RSPH10B: variants seen among roughly 807,000 people sequenced by gnomAD.
The protein encoded by RSPH10B is radial spoke head 10 homolog B.
In RSPH10B, 7 loss-of-function variants were observed where a neutral mutation model predicts 52.5. The ratio of observed to expected loss-of-function variants is 0.13; its 90% CI spans 0.08 to 0.25. RSPH10B has a LOEUF of 0.25. Among genes scored for constraint, RSPH10B ranks in the 10% least tolerant of loss-of-function variants. The pLI, the probability that RSPH10B is intolerant of heterozygous loss-of-function variation, is 1.00. For synonymous variants in RSPH10B, 28 were observed against 193.2 expected (o/e 0.14, Z 7.09); for missense variants, 89 against 542.5 (o/e 0.16, Z 8.30).
chr7:5,944,334 G>C (rs1192126291), intron 11 of RSPH10B, among the ~76,000 whole-genome samples: 1 of 150,786 alleles, frequency 6.6e-6, no homozygotes, highest in Non-Finnish European at 1.5e-5. Context: ...GGAGGTGGAG[G>C]TTGCAGTGAG....
chr7:5,944,710 G>A (rs1432082585), intron 11 of RSPH10B, among the ~76,000 whole-genome samples: 1 of 146,388 alleles, frequency 6.8e-6, no homozygotes, highest in African/African-American at 2.6e-5. Flanking sequence ...TGTAATCCCA[G>A]AACTTTGAGA....
chr7:5,927,048 T>TGTGTGTGTGTGTGTA (rs1347951159), intron 18 of RSPH10B, among the ~76,000 whole-genome samples: 8 of 70,884 alleles, frequency 1.1e-4, no homozygotes, highest in South Asian at 3.7e-4. Flanking sequence ...TGTGTGTGTA[T>TGTGTGTGTGTGTGTA]TATGTGTGTG....
intron 18 of RSPH10B, among the ~76,000 whole-genome samples, chr7:5,927,676 C>T (rs1583204363): frequency 1.4e-5 from 2 of 147,088 alleles, no homozygotes; most frequent in South Asian, 4.3e-4. Flanking sequence ...TGACTCACCC[C>T]TGTGACCCCA....
intron 11 of RSPH10B, among the ~76,000 whole-genome samples, chr7:5,944,214 T>C (rs529737531): frequency 6.6e-6 from 1 of 151,228 alleles, no homozygotes; most frequent in East Asian, 1.9e-4. Flanking sequence ...CTGGCCAACA[T>C]GGTGGAACCC....
chr7:5,928,152 A>AG (rs1562554834), intron 18 of RSPH10B, 44 bp downstream of exon 20: 1 of 1,603,668 alleles, frequency 6.2e-7, no homozygotes, highest in East Asian at 2.2e-5. Context: ...AGACAGGAAG[A>AG]GAGAGAGCAG....
upstream of RSPH10B, chr7:5,970,798 C>CG (rs1425592343): frequency 8.7e-6 from 1 of 115,314 alleles, no homozygotes; most frequent in East Asian, 2.9e-4. Flanking sequence ...TCCTGAAGGC[C>CG]GGGGGAAAGG....
intron 13 of RSPH10B, among the ~76,000 whole-genome samples, chr7:5,940,970 A>C (rs1202013010): frequency 3.3e-4 from 26 of 78,064 alleles, no homozygotes; most frequent in African/African-American, 1.1e-3. Flanking sequence ...TATTATTATT[A>C]TTCAATGGGC....
At chr7:5,931,861 TG>T in intron 17 of RSPH10B, among the ~76,000 whole-genome samples, 1 of 150,990 alleles carries the variant, frequency 6.6e-6, no homozygotes, top group South Asian at 2.1e-4. Flanking sequence ...CAGTGATGGG[TG>T]CCTGTAATCC....
rs757215483 is a variant in RSPH10B at position 5,957,869 on chromosome 7, C to T, written c.780+38G>A. ...ATGTGTTGAGAATCGGCGGAGCATC[C>T]GCCTCTGGGTATAAGCTGCTACCCC... is the stretch of plus-strand genomic sequence containing the variant. On this transcript the variant is annotated intron_variant, in intron 6 of 18. Transcript: ENST00000337579. The T allele has an allele frequency of 7.5e-5, 97 of 1,301,520 alleles. 2 individuals are homozygous for T. The highest frequency in any genetic ancestry group is 6.5e-4 in the African/African-American group (38 of 58,862). The allele number at this position is 1,301,520 out of a possible 1,614,324, so 80.6% of individuals were successfully genotyped here.
At chr7:5,956,758 G>A (rs1185288833) in intron 6 of RSPH10B, among the ~76,000 whole-genome samples, 1 of 133,096 alleles carries the variant, frequency 7.5e-6, no homozygotes, top group African/African-American at 2.7e-5. Context: ...TAGTAGAGAT[G>A]GGGTTTCACC....
chr7:5,940,921 C>G (rs1305102690), intron 13 of RSPH10B, among the ~76,000 whole-genome samples: 2 of 31,196 alleles, frequency 6.4e-5, no homozygotes, highest in African/African-American at 8.7e-5. Flanking sequence ...GCAAGACTGT[C>G]AAAATAATAA....
chr7:5,957,594 T>C (rs1285097382), intron 6 of RSPH10B, among the ~76,000 whole-genome samples: 7 of 50,042 alleles, frequency 1.4e-4, no homozygotes, highest in African/African-American at 7.0e-4. Context: ...GAAACCAACC[T>C]GGCCAACATG....
At position 5,965,909 on chromosome 7, in the gene RSPH10B, C is replaced by T. The variant is rs542511407; in HGVS notation, c.255-197G>A. On this transcript the variant is annotated intron_variant, in intron 1 of 18. Transcript: ENST00000337579. Reference sequence around the variant, plus strand: ...AGTAGGGTGAGGAATGAAGGCGTTTCGGGGTTTTTTTGTTTGTTTTTTGGG... The same window carrying T: ...AGTAGGGTGAGGAATGAAGGCGTTTTGGGGTTTTTTTGTTTGTTTTTTGGG... 4.2e-4 allele frequency among the ~76,000 whole-genome samples: 50 copies of T among 119,726 alleles called. 7 individuals carry two copies. The highest frequency in any genetic ancestry group is 1.4e-3 in the African/African-American group (42 of 30,750). The allele number at this position is 119,726 out of a possible 152,430, so 78.5% of individuals were successfully genotyped here. A position where few individuals can be genotyped will look rare whatever the true frequency, so the allele number is the denominator to read the frequency against.
At chr7:5,927,925 C>G (rs1259236830) in intron 18 of RSPH10B, 3 of 627,534 alleles carry the variant, frequency 4.8e-6, no homozygotes, top group African/African-American at 1.9e-5. Flanking sequence ...GACAGTGAGA[C>G]CCTGTCTAAA....
chr7:5,958,326 C>A (rs1780806036), intron 5 of RSPH10B, among the ~76,000 whole-genome samples: 1 of 150,684 alleles, frequency 6.6e-6, no homozygotes. Context: ...ACTTGGGAGG[C>A]AAAACTCCAT....
chr7:5,927,064 G>GTATATATATA lies in RSPH10B; in HGVS notation c.2433-517_2433-516insTATATATATA, dbSNP rs1256218789. On this transcript the variant is annotated intron_variant, in intron 18 of 18. Coordinates refer to ENST00000337579, the Ensembl canonical transcript of RSPH10B. Reference sequence around the variant, plus strand: ...GTGTGTGTATTATGTGTGTGTGTGTGTGTATATGTGTGTGTGTGTGTGTGT... The same window carrying GTATATATATA: ...GTGTGTGTATTATGTGTGTGTGTGTGTATATATATATGTATATGTGTGTGTGTGTGTGTGT... Among the ~76,000 whole-genome samples the GTATATATATA allele has an allele frequency of 3.3e-4, 34 of 103,862 alleles. 1 individual carries two copies. The highest frequency in any genetic ancestry group is 1.7e-3 in the South Asian group (6 of 3,558). The allele number at this position is 103,862 out of a possible 152,430, so 68.1% of individuals were successfully genotyped here.
upstream of RSPH10B, among the ~76,000 whole-genome samples, chr7:5,968,685 T>C (rs1318763868): frequency 1.4e-5 from 1 of 70,142 alleles, no homozygotes; most frequent in African/African-American, 4.1e-5. Context: ...TCTTTTTGTA[T>C]TTTTAGTAGA....
chr7:5,928,770 C>G (rs1280126356), intron 17 of RSPH10B, among the ~76,000 whole-genome samples: 1 of 150,394 alleles, frequency 6.6e-6, no homozygotes. Context: ...TAGCTACAGG[C>G]GTGCGCCATC....
chr7:5,932,012 G>GAA (rs1160099490), intron 17 of RSPH10B, among the ~76,000 whole-genome samples: 1 of 150,096 alleles, frequency 6.7e-6, no homozygotes, highest in East Asian at 1.9e-4. Context: ...GAAAAGAAAA[G>GAA]AAAAGGGGAA....
Sources: gnomAD v4.1 joint callset for allele counts (sites outside exome capture counted in the v4.1 genomes callset) on GRCh38, gnomAD v4.1.1 for gene constraint, MANE v1.5 for transcripts, NCBI Gene and HGNC (gene_info 2026-07-23, HGNC 2026-07-21) for gene names.